RUBCN: variants seen among roughly 807,000 people sequenced by gnomAD.
The protein encoded by RUBCN is rubicon autophagy regulator, also known as run domain Beclin-1-interacting and cysteine-rich domain-containing protein.
In RUBCN, 74 loss-of-function variants were observed where a neutral mutation model predicts 113.2. The observed-to-expected ratio is 0.65, with a 90% confidence interval of 0.54 to 0.79. The LOEUF (loss-of-function observed/expected upper bound fraction) is 0.79. Among genes scored for constraint, RUBCN ranks in the 30% least tolerant of loss-of-function variants. RUBCN has a pLI of 0.00. For missense variants in RUBCN, 1,109 were observed against 1,251.7 expected (o/e 0.89, Z 1.72); for synonymous variants, 480 against 490.0 (o/e 0.98, Z 0.27).
At chr3:197,707,660 T>C (rs890366046) in intron 2 of RUBCN, among the ~76,000 whole-genome samples, 6 of 152,120 alleles carry the variant, frequency 3.9e-5, no homozygotes, top group Admixed American at 3.9e-4. Flanking sequence ...TTACAATGTT[T>C]AAAAGCAGAA....
chr3:197,741,713 C>T (rs1324769497), upstream of RUBCN, among the ~76,000 whole-genome samples: 1 of 151,858 alleles, frequency 6.6e-6, no homozygotes, highest in Non-Finnish European at 1.5e-5. Flanking sequence ...ATCCCAGCTA[C>T]CTGGGAGGCT....
At chr3:197,699,558 G>A (rs1449390463) in intron 7 of RUBCN, among the ~76,000 whole-genome samples, 1 of 152,198 alleles carries the variant, frequency 6.6e-6, no homozygotes, top group Non-Finnish European at 1.5e-5. Flanking sequence ...CCTGCAGCAG[G>A]AGATGTGAAG....
chr3:197,700,977 C>T lies in RUBCN; in HGVS notation c.897G>A (p.Leu299=). 6.2e-7 allele frequency: 1 copy of T among 1,614,136 alleles called. No individual in the cohort carries two copies. Among genetic ancestry groups the T allele is most frequent in the Non-Finnish European group, 8.5e-7 (1 of 1,180,034 alleles). The change falls in exon 7 of 20, where the codon CTG becomes CTA. Residue 299 remains leucine (L), a synonymous_variant. Transcript: ENST00000296343. ...CCCAGGATGCCTCTATGGGGCTGGTCAGAGTACTGGAGCTCATTTCATTTG... is the reference window on the plus strand; with the variant it reads ...CCCAGGATGCCTCTATGGGGCTGGTTAGAGTACTGGAGCTCATTTCATTTG... ...LTPNEMSSST[L]TSPIEASWVS...
chr3:197,718,247 C>T, intron 1 of RUBCN, 117 bp from the exon 2 acceptor site: 1 of 1,122,204 alleles, frequency 8.9e-7, no homozygotes. Flanking sequence ...ATTCTCTCCC[C>T]TCTTAATTTT....
Position 197,670,022 on chromosome 3 carries a change from G to A in RUBCN, c.*4996C>T, listed in dbSNP as rs1205541065. ...TCCTGTCTCAACCTCGCGAGTAGCT[G>A]GGATTACAGGCGCCCGCCATCATGC... On this transcript the variant is annotated 3_prime_UTR_variant, in exon 20 of 20. Coordinates refer to ENST00000296343, the MANE Select transcript of RUBCN (RefSeq NM_014687.4). 8.5e-5 allele frequency among the ~76,000 whole-genome samples: 13 copies of A among 152,172 alleles called. No individual in the cohort carries two copies. Among genetic ancestry groups the A allele is most frequent in the Non-Finnish European group, 1.8e-4 (12 of 68,042 alleles).
At position 197,701,743 on chromosome 3, in the gene RUBCN, G is replaced by A. The variant is rs1723700106; in HGVS notation, c.692C>T (p.Ser231Phe). 1.2e-6 allele frequency: 2 copies of A among 1,614,040 alleles called. No homozygotes were observed. Among genetic ancestry groups the A allele is most frequent in the African/African-American group, 1.3e-5 (1 of 74,922 alleles). ...YAQHSYFGSF[S>F]SLHQSVPNNG... ...GTTGGGCACGGATTGGTGGAGGCTAGAGAAGGACCCAAAGTAGGAATGCTG... is the reference window on the plus strand; with the variant it reads ...GTTGGGCACGGATTGGTGGAGGCTAAAGAAGGACCCAAAGTAGGAATGCTG... The change falls in exon 6 of 20, where the codon TCT becomes TTT. Residue 231 changes from serine (S) to phenylalanine (F), a missense_variant. Coordinates refer to ENST00000296343, the MANE Select transcript of RUBCN (RefSeq NM_014687.4).
chr3:197,745,405 C>T (rs1421417925), intron 1 of RUBCN, among the ~76,000 whole-genome samples: 5 of 151,614 alleles, frequency 3.3e-5, no homozygotes, highest in Non-Finnish European at 4.4e-5. Context: ...TACCTGAGGT[C>T]GGGAGTTCGA....
At chr3:197,704,816 T>A in intron 3 of RUBCN, 115 bp from the exon 4 acceptor site, 1 of 1,174,472 alleles carries the variant, frequency 8.5e-7, no homozygotes, top group Non-Finnish European at 1.3e-6. Flanking sequence ...TTGAAAGGCT[T>A]CACCCTGGGT....
intron 11 of RUBCN, among the ~76,000 whole-genome samples, chr3:197,684,777 T>A (rs909064985): frequency 6.6e-6 from 1 of 152,004 alleles, no homozygotes; most frequent in Admixed American, 6.6e-5. Context: ...AAACATTTAG[T>A]GCCTAACACA....
Position 197,717,583 on chromosome 3 carries a change from G to A in RUBCN, c.219+394C>T, listed in dbSNP as rs1265752776. Among the ~76,000 whole-genome samples the A allele has an allele frequency of 2.6e-5, 4 of 152,202 alleles. 1 individual carries two copies. Among genetic ancestry groups the A allele is most frequent in the Non-Finnish European group, 5.9e-5 (4 of 68,040 alleles). ...GGCAAGGAAGTAGATTCTCTGTGGAGCGTCCAGAGGGTGTGTGGCCCTGCA... is the reference window on the plus strand; with the variant it reads ...GGCAAGGAAGTAGATTCTCTGTGGAACGTCCAGAGGGTGTGTGGCCCTGCA... On this transcript the variant is annotated intron_variant, in intron 2 of 19. Coordinates refer to ENST00000296343, the MANE Select transcript of RUBCN (RefSeq NM_014687.4).
At chr3:197,717,481 T>C (rs1332125449) in intron 2 of RUBCN, among the ~76,000 whole-genome samples, 1 of 148,734 alleles carries the variant, frequency 6.7e-6, no homozygotes, top group Non-Finnish European at 1.5e-5. Flanking sequence ...GATTTGAAGG[T>C]GCTATGCTGT....
chr3:197,705,964 G>C (rs561951627), intron 2 of RUBCN, among the ~76,000 whole-genome samples: 4 of 152,284 alleles, frequency 2.6e-5, no homozygotes, highest in South Asian at 4.1e-4. Flanking sequence ...CGAGCCTCAA[G>C]TGATCTGCCC....
intron 11 of RUBCN, chr3:197,691,208 T>C: frequency 1.2e-6 from 1 of 866,762 alleles, no homozygotes; most frequent in Non-Finnish European, 1.7e-6. Flanking sequence ...TAAACTAATA[T>C]TCTATACCAT....
intron 1 of RUBCN, 98 bp from the exon 2 acceptor site, chr3:197,718,228 C>T: frequency 7.8e-7 from 1 of 1,283,888 alleles, no homozygotes; most frequent in Non-Finnish European, 1.1e-6. Flanking sequence ...TCCTGCCCCA[C>T]ATCCTAACAT....
intron 1 of RUBCN, among the ~76,000 whole-genome samples, chr3:197,721,144 A>G (rs1275158971): frequency 6.6e-6 from 1 of 152,050 alleles, no homozygotes; most frequent in Non-Finnish European, 1.5e-5. Flanking sequence ...GTTTGGAGGA[A>G]TTCTCTCTCC....
In RUBCN at chr3:197,701,842, G is replaced by A. The variant is rs145980033; in HGVS notation, c.593C>T (p.Pro198Leu). 7.0e-4 allele frequency: 1,125 copies of A among 1,614,098 alleles called. 11 individuals are homozygous for A. The African/African-American group carries it at 0.013, about 19-fold the overall frequency. ...GCTCTGGCTCTTTGTCACCAGGAGCGGGCTCTCGTGCTTTCTGGCAAACTA... is the reference window on the plus strand; with the variant it reads ...GCTCTGGCTCTTTGTCACCAGGAGCAGGCTCTCGTGCTTTCTGGCAAACTA... ...ASMFARKHESPLLVTKSQSLT... is the reference protein window; with the variant it reads ...ASMFARKHESLLLVTKSQSLT... Residue 198 changes from proline to leucine, a missense_variant, in exon 6 of 20, where the codon CCG becomes CTG. Transcript: ENST00000296343.
chr3:197,691,084 C>T (rs772434246), intron 11 of RUBCN: 6 of 1,289,098 alleles, frequency 4.7e-6, no homozygotes, highest in East Asian at 5.5e-5. Flanking sequence ...CTGAGAACAT[C>T]GAGGCCAGTG....
At chr3:197,731,546 GCTC>G (rs1005723364) in intron 1 of RUBCN, among the ~76,000 whole-genome samples, 5 of 152,200 alleles carry the variant, frequency 3.3e-5, no homozygotes, top group Non-Finnish European at 7.3e-5. Context: ...GGGCAGAGGG[GCTC>G]CTCACTTCCC....
intron 1 of RUBCN, among the ~76,000 whole-genome samples, chr3:197,743,424 C>T (rs149327203): frequency 9.1e-4 from 139 of 152,260 alleles, no homozygotes; most frequent in African/African-American, 3.3e-3. Context: ...CATAGGAGGA[C>T]CTCGAACTCT....
Sources: allele counts gnomAD v4.1 joint callset (sites outside exome capture counted in the v4.1 genomes callset), GRCh38; gene constraint gnomAD v4.1.1; transcripts MANE v1.5; gene names NCBI Gene and HGNC (gene_info 2026-07-23, HGNC 2026-07-21).